PDZD2: variants seen among roughly 807,000 people sequenced by gnomAD.
PDZD2 encodes the protein PDZ domain containing 2.
Under a neutral mutation model 220.7 loss-of-function variants are expected in PDZD2, and 90 were observed. The ratio of observed to expected loss-of-function variants is 0.41; its 90% CI spans 0.34 to 0.49. The LOEUF is 0.49. PDZD2 is among the 20% of genes least tolerant of loss of function. PDZD2 has a pLI of 0.28. For missense variants in PDZD2, 3,174 were observed against 3,608.5 expected (o/e 0.88, Z 3.08); for synonymous variants, 1,375 against 1,450.5 (o/e 0.95, Z 1.18).
chr5:32,088,926 T>G lies in PDZD2; in HGVS notation c.5478T>G (p.Pro1826=), dbSNP rs767556081. The part of the protein sequence containing the change: ...SKTEKEQPLM[P]ARSPDSKIQM... ...CCGAGAAGGAACAACCTCTAATGCC[T>G]GCCAGAAGTCCCGACTCCAAGATTC... The change falls in exon 20 of 25, where the codon CCT becomes CCG. Residue 1826 remains proline, a synonymous_variant. Transcript: ENST00000438447. This position sits in a 1 kb window ranked among gnomAD's most constrained non-coding sequence, Gnocchi z 4.6. 1.2e-6 allele frequency: 2 copies of G among 1,613,782 alleles called. No homozygotes were observed. Among genetic ancestry groups the G allele is most frequent in the South Asian group, 2.2e-5 (2 of 91,018 alleles).
chr5:31,753,030 G>T (rs1751100617), intron 1 of PDZD2, among the ~76,000 whole-genome samples: 1 of 152,134 alleles, frequency 6.6e-6, no homozygotes, highest in Admixed American at 6.6e-5. Context: ...AATTAAAATG[G>T]ACTTTCCTTA....
At chr5:31,962,453 G>C (rs1421661808) in intron 2 of PDZD2, among the ~76,000 whole-genome samples, 1 of 150,024 alleles carries the variant, frequency 6.7e-6, no homozygotes. Context: ...GGGCGGCAAC[G>C]AGTCTCTTAG....
intron 2 of PDZD2, among the ~76,000 whole-genome samples, chr5:31,970,235 C>A (rs67723861): frequency 1.3e-5 from 2 of 152,082 alleles, no homozygotes; most frequent in South Asian, 4.2e-4. Context: ...AGGCAATTCT[C>A]AAGACAAATG....
At position 32,074,350 on chromosome 5, in the gene PDZD2, A is replaced by G. The variant is rs769127938; in HGVS notation, c.3244A>G (p.Ser1082Gly). The change falls in exon 18 of 25, where the codon AGT becomes GGT. Residue 1082 changes from serine (S) to glycine (G), a missense_variant. Around this residue, in one of 4 missense-constraint regions of PDZD2, gnomAD observed 1,861 missense variants for 2,001.0 expected, o/e 0.93. Transcript: ENST00000438447. The part of the protein sequence containing the change: ...SWWKKELSGS[S>G]SAPKLEYTVR... ...GTGGAAGAAGGAACTGTCAGGATCAAGTAGCGCACCCAAATTGGAATACAC... is the reference window on the plus strand; with the variant it reads ...GTGGAAGAAGGAACTGTCAGGATCAGGTAGCGCACCCAAATTGGAATACAC... 2.5e-6 allele frequency: 4 copies of G among 1,614,198 alleles called. No homozygotes were observed. Among genetic ancestry groups the G allele is most frequent in the Non-Finnish European group, 2.5e-6 (3 of 1,180,034 alleles).
chr5:31,668,066 T>C (rs1292619350), intron 1 of PDZD2, among the ~76,000 whole-genome samples: 2 of 152,046 alleles, frequency 1.3e-5, no homozygotes, highest in East Asian at 1.9e-4. Context: ...TTTCACCATA[T>C]TGGCCAGGCT....
chr5:32,057,722 C>T lies in PDZD2; in HGVS notation c.1968C>T (p.Thr656=), dbSNP rs368522916. The T allele has an allele frequency of 2.0e-5, 31 of 1,572,720 alleles. No homozygotes were observed. The highest frequency in any genetic ancestry group is 3.3e-4 in the Middle Eastern group (2 of 6,002). ...KGLTFQEAIH[T]FKQIRSGLFV... is the part of the protein sequence containing the mutation. Reference sequence around the variant, plus strand: ...TGACATTTCAAGAAGCCATTCATACCTTTAAGGTAACAACATTCTTATTGA... The same window carrying T: ...TGACATTTCAAGAAGCCATTCATACTTTTAAGGTAACAACATTCTTATTGA... Residue 656 remains threonine, a synonymous_variant, in exon 11 of 25, where the codon ACC becomes ACT. Coordinates refer to ENST00000438447, the MANE Select transcript of PDZD2 (RefSeq NM_178140.4).
intron 2 of PDZD2, among the ~76,000 whole-genome samples, chr5:31,828,452 G>A (rs1394749326): frequency 2.0e-5 from 3 of 152,092 alleles, no homozygotes; most frequent in Non-Finnish European, 2.9e-5. Flanking sequence ...ACCTTTTCAT[G>A]TGTTTTTGAA....
intron 2 of PDZD2, among the ~76,000 whole-genome samples, chr5:31,814,124 A>G (rs959302259): frequency 1.3e-5 from 2 of 152,250 alleles, no homozygotes. Context: ...AGGTACCAGA[A>G]AAGATGTATT....
intron 1 of PDZD2, among the ~76,000 whole-genome samples, chr5:31,658,118 G>A (rs1431959945): frequency 1.3e-5 from 2 of 152,126 alleles, no homozygotes; most frequent in Non-Finnish European, 2.9e-5. Context: ...TGGTGCAATC[G>A]CAGAATAATG....
intron 2 of PDZD2, among the ~76,000 whole-genome samples, chr5:31,856,951 A>C (rs1758505988): frequency 6.6e-6 from 1 of 150,434 alleles, no homozygotes; most frequent in Admixed American, 6.6e-5. Flanking sequence ...TAAAAAGTCA[A>C]ATATGTCTAC....
chr5:31,872,436 G>A (rs1738904218), intron 2 of PDZD2, among the ~76,000 whole-genome samples: 1 of 152,192 alleles, frequency 6.6e-6, no homozygotes, highest in Non-Finnish European at 1.5e-5. Context: ...GTCACAGGCA[G>A]ACAGGGAGAT....
At chr5:32,095,418 A>G (rs1743576771) in intron 21 of PDZD2, among the ~76,000 whole-genome samples, 1 of 152,178 alleles carries the variant, frequency 6.6e-6, no homozygotes, top group Non-Finnish European at 1.5e-5. Flanking sequence ...TATGGTTTGC[A>G]GGTACTAAAA....
At chr5:32,077,411 G>A in intron 18 of PDZD2, 51 bp from the exon 19 acceptor site, 1 of 1,598,556 alleles carries the variant, frequency 6.3e-7, no homozygotes, top group Non-Finnish European at 8.5e-7. Context: ...ATCTTACGGT[G>A]CAGAAAGCCT....
chr5:31,948,967 C>T (rs1746917302), intron 2 of PDZD2, among the ~76,000 whole-genome samples: 2 of 151,790 alleles, frequency 1.3e-5, no homozygotes, highest in Non-Finnish European at 2.9e-5. Context: ...GGAGTAGTGG[C>T]AAGCGCCTGT....
At chr5:31,968,265 GGAGAATGGCTTGAACCC>G (rs1035556115) in intron 2 of PDZD2, among the ~76,000 whole-genome samples, 5 of 152,210 alleles carry the variant, frequency 3.3e-5, no homozygotes, top group Non-Finnish European at 5.9e-5. Flanking sequence ...GGTTGAGGTA[GGAGAATGGCTTGAACCC>G]GAGAGGCAGA....
chr5:31,838,542 C>T (rs1159987357), intron 2 of PDZD2, among the ~76,000 whole-genome samples: 2 of 152,188 alleles, frequency 1.3e-5, no homozygotes, highest in Non-Finnish European at 1.5e-5. Flanking sequence ...AACAGGTAAA[C>T]AGTCATGTCA....
chr5:32,058,199 T>G, intron 12 of PDZD2, 96 bp downstream of exon 12: 1 of 710,528 alleles, frequency 1.4e-6, no homozygotes, highest in Non-Finnish European at 2.5e-6. Flanking sequence ...TATGAATTAT[T>G]CCTTTGGTAC....
intron 1 of PDZD2, among the ~76,000 whole-genome samples, chr5:31,665,407 C>T (rs1266064209): frequency 6.6e-6 from 1 of 152,054 alleles, no homozygotes. Context: ...AGCTTGTGTT[C>T]TGGTCTTTTA....
chr5:31,839,607 G>A (rs2150281479), intron 2 of PDZD2, among the ~76,000 whole-genome samples: 1 of 152,324 alleles, frequency 6.6e-6, no homozygotes, highest in Admixed American at 6.5e-5. Flanking sequence ...CAGCACTTTG[G>A]TAGGCTGAGG....
Sources: allele counts gnomAD v4.1 joint callset (sites outside exome capture counted in the v4.1 genomes callset), GRCh38; gene constraint gnomAD v4.1.1; regional missense constraint gnomAD v4.1.1; non-coding constraint Gnocchi (gnomAD v3.1); transcripts MANE v1.5; gene names NCBI Gene and HGNC (gene_info 2026-07-23, HGNC 2026-07-21).